RORC: variants seen among roughly 807,000 people sequenced by gnomAD.
RORC encodes RAR related orphan receptor C.
In RORC, 13 loss-of-function variants were observed where a neutral mutation model predicts 64.5. The ratio of observed to expected loss-of-function variants is 0.20; its 90% CI spans 0.13 to 0.32. The LOEUF (loss-of-function observed/expected upper bound fraction) is 0.32. RORC is among the 10% of genes least tolerant of loss of function. RORC has a pLI of 1.00. For synonymous variants in RORC, 277 were observed against 259.3 expected, an observed-to-expected ratio of 1.07 and a Z score of -0.65; for missense variants, 468 against 669.5, an observed-to-expected ratio of 0.70 and a Z score of 3.32.
chr1:151,813,585 G>A lies in RORC; in HGVS notation c.969C>T (p.His323=). The A allele has an allele frequency of 1.2e-6, 2 of 1,614,176 alleles. No individual in the cohort carries two copies. The highest frequency in any genetic ancestry group is 1.7e-6 in the Non-Finnish European group (2 of 1,180,002). ...MWEMWERCAH[H]LTEAIQYVVE... Reference sequence around the variant, plus strand: ...CCACGTACTGAATGGCCTCGGTGAGGTGGTGGGCACACCGTTCCCACATCT... The same window carrying A: ...CCACGTACTGAATGGCCTCGGTGAGATGGTGGGCACACCGTTCCCACATCT... Residue 323 remains histidine (H), a synonymous_variant, in exon 7 of 11, where the codon CAC becomes CAT. Coordinates refer to ENST00000318247, the MANE Select transcript of RORC (RefSeq NM_005060.4).
At chr1:151,827,970 A>C (rs1572048161) in intron 2 of RORC, among the ~76,000 whole-genome samples, 3 of 110,814 alleles carry the variant, frequency 2.7e-5, no homozygotes, top group Non-Finnish European at 3.8e-5. Context: ...CCCCCAGCTC[A>C]CCCGCGTCAC....
intron 6 of RORC, chr1:151,814,043 C>A (rs920967082): frequency 5.6e-6 from 1 of 179,858 alleles, no homozygotes; most frequent in Non-Finnish European, 1.2e-5. Flanking sequence ...GCAGCATAAA[C>A]TTTGGAGCCT....
chr1:151,820,283 G>A (rs1336767315), intron 2 of RORC, among the ~76,000 whole-genome samples: 1 of 152,146 alleles, frequency 6.6e-6, no homozygotes. Flanking sequence ...CTTGGGGGTT[G>A]GTGAGAGGAG....
chr1:151,807,767 C>T lies in RORC; in HGVS notation c.1396-134G>A. 1 of 841,790 alleles carries T rather than the reference C, an allele frequency of 1.2e-6. No individual in the cohort carries two copies. The highest frequency in any genetic ancestry group is 1.8e-6 in the Non-Finnish European group (1 of 546,462). 52.1% of individuals were successfully genotyped at this position (841,790 alleles called of 1,614,324 possible). On this transcript the variant is annotated intron_variant, in intron 10 of 10. Coordinates refer to ENST00000318247, the MANE Select transcript of RORC (RefSeq NM_005060.4). This position sits in a 1 kb window ranked among gnomAD's most constrained non-coding sequence, Gnocchi z 5.0. The stretch of plus-strand genomic sequence containing the variant: ...TATGTACTTGGCACTTTGGCACCAG[C>T]CAAATCCCACTGGTAGAAGTACGTG...
At position 151,816,728 on chromosome 1, in the gene RORC, G is replaced by A. The variant is rs1443235631; in HGVS notation, c.234C>T (p.Thr78=). 2.5e-6 allele frequency: 4 copies of A among 1,601,668 alleles called. No homozygotes were observed. The highest frequency in any genetic ancestry group is 3.4e-6 in the Non-Finnish European group (4 of 1,173,902). The change falls in exon 4 of 11, where the codon ACC becomes ACT. Residue 78 remains threonine, a synonymous_variant. Coordinates refer to ENST00000318247, the MANE Select transcript of RORC (RefSeq NM_005060.4). ...GGCAGTGCTGGCATCGGTTTCGGCTGGTGCGGTCGATGGGGCAGTTCTGCT... is the reference window on the plus strand; with the variant it reads ...GGCAGTGCTGGCATCGGTTTCGGCTAGTGCGGTCGATGGGGCAGTTCTGCT... ...TRQQNCPIDR[T]SRNRCQHCRL... is the part of the protein sequence containing the mutation.
intron 2 of RORC, among the ~76,000 whole-genome samples, chr1:151,823,585 A>G (rs1652076070): frequency 6.6e-6 from 1 of 151,864 alleles, no homozygotes; most frequent in Non-Finnish European, 1.5e-5. Flanking sequence ...CCCTGTGTCT[A>G]TGTGCCTTGT....
Position 151,814,970 on chromosome 1 carries a change from C to G in RORC, c.754G>C (p.Gly252Arg), listed in dbSNP as rs200227947. The G allele has an allele frequency of 6.2e-7, 1 of 1,614,146 alleles. No individual in the cohort carries two copies. Among genetic ancestry groups the G allele is most frequent in the Non-Finnish European group, 8.5e-7 (1 of 1,180,004 alleles). The change falls in exon 5 of 11, where the codon GGC (glycine) becomes CGC (arginine). Residue 252 changes from glycine to arginine, a missense_variant. This residue lies in a region of RORC where 241 missense variants were observed against 295.5 expected (regional missense o/e 0.82). Transcript: ENST00000318247. ...GGTGTGCTGCGGAAACTGGGGCTGC[C>G]GTAGCTGTCTGGGCCCTGTCCCAGT... ...GELGQGPDSY[G>R]SPSFRSTPEA...
At chr1:151,811,238 G>A in intron 10 of RORC, 87 bp downstream of exon 10, 1 of 790,192 alleles carries the variant, frequency 1.3e-6, no homozygotes. Context: ...TCCCTCCTCT[G>A]TACCCACAGA....
rs202188749 is a variant in RORC, at chr1:151,815,435, G to T, written c.299-10C>A. ...CGGCCGAACTTGACAGCTGAAAGAG[G>T]TCCAGGGACCAGGGGTTTATGAGGC... On this transcript the variant is annotated splice_polypyrimidine_tract_variant and intron_variant, in intron 4 of 10. Coordinates refer to ENST00000318247, the MANE Select transcript of RORC (RefSeq NM_005060.4). 20 of 1,523,162 alleles carry T rather than the reference G, an allele frequency of 1.3e-5. No individual in the cohort carries two copies. The East Asian group carries it at 4.5e-4, about 35-fold the overall frequency. The allele number at this position is 1,523,162 out of a possible 1,614,324, so 94.4% of individuals were successfully genotyped here.
At chr1:151,810,940 A>C (rs1651500557) in intron 10 of RORC, among the ~76,000 whole-genome samples, 1 of 152,162 alleles carries the variant, frequency 6.6e-6, no homozygotes, top group Non-Finnish European at 1.5e-5. Context: ...TATATCACAT[A>C]CCACATTCTA....
At chr1:151,819,498 CTT>C (rs1558167703) in intron 2 of RORC, among the ~76,000 whole-genome samples, 5 of 152,322 alleles carry the variant, frequency 3.3e-5, no homozygotes, top group Admixed American at 2.0e-4. Flanking sequence ...TGGCATCTCT[CTT>C]TTCAGTGGCC....
intron 9 of RORC, chr1:151,812,204 T>TG (rs1442296888): frequency 1.3e-5 from 2 of 152,228 alleles, no homozygotes; most frequent in Non-Finnish European, 2.9e-5. Flanking sequence ...CAATTACAGA[T>TG]GGTCCCAGTC....
In RORC at chr1:151,807,186, C is replaced by T. The variant is rs1651347743; in HGVS notation, c.*286G>A. ...TGGTCCCCCAGAAGTCCTTAAATCC[C>T]AGCCACCCCATGCCTTCCAGAAGCT... On this transcript the variant is annotated 3_prime_UTR_variant, in exon 11 of 11. Coordinates refer to ENST00000318247, the MANE Select transcript of RORC (RefSeq NM_005060.4). This position sits in a 1 kb window ranked among gnomAD's most constrained non-coding sequence, Gnocchi z 5.0. 3.0e-6 allele frequency: 1 copy of T among 335,134 alleles called. No individual in the cohort carries two copies. The highest frequency in any genetic ancestry group is 2.1e-5 in the African/African-American group (1 of 47,980). 20.8% of individuals were successfully genotyped at this position (335,134 alleles called of 1,614,324 possible).
In RORC at chr1:151,830,466, T is replaced by A. The variant is rs1008068254; in HGVS notation, c.41-1008A>T. On this transcript the variant is annotated intron_variant, in intron 1 of 10. Coordinates refer to ENST00000318247, the MANE Select transcript of RORC (RefSeq NM_005060.4). The surrounding 1 kb of genome is among the most constrained non-coding windows in gnomAD (Gnocchi z 4.0). ...TTCCCCTGCCAGACCTTGGCCCATT[T>A]CCTACATCCACATAGCAGCTCATCA... Among the ~76,000 whole-genome samples, 1 of 152,022 alleles carries A rather than the reference T, an allele frequency of 6.6e-6. No individual in the cohort carries two copies. The highest frequency in any genetic ancestry group is 2.4e-5 in the African/African-American group (1 of 41,358).
At chr1:151,813,805 GA>G in intron 6 of RORC, 185 bp from the exon 7 acceptor site, 2 of 632,512 alleles carry the variant, frequency 3.2e-6, no homozygotes, top group Non-Finnish European at 5.4e-6. Flanking sequence ...CCCACACACT[GA>G]GCACCTACCG....
chr1:151,828,940 T>A (rs1157572023), intron 2 of RORC, among the ~76,000 whole-genome samples: 1 of 148,278 alleles, frequency 6.7e-6, no homozygotes, highest in Non-Finnish European at 1.5e-5. Flanking sequence ...GATTGTGCCA[T>A]CGTACTCCCG....
Position 151,814,569 on chromosome 1 carries a change from C to T in RORC, c.933+5G>A. 1 of 1,610,196 alleles carries T rather than the reference C, an allele frequency of 6.2e-7. No individual in the cohort carries two copies. Reference sequence around the variant, plus strand: ...GTTCCCTTCCTGCAGGTCTCCTGGCCTCACCTTCCTCTGGTAGCCAGTCAC... The same window carrying T: ...GTTCCCTTCCTGCAGGTCTCCTGGCTTCACCTTCCTCTGGTAGCCAGTCAC... On this transcript the variant is annotated splice_donor_5th_base_variant and intron_variant, in intron 6 of 10. Transcript: ENST00000318247.
chr1:151,817,231 C>A lies in RORC; in HGVS notation c.120G>T (p.Gly40=), dbSNP rs1185258728. 6.2e-7 allele frequency: 1 copy of A among 1,614,134 alleles called. No individual in the cohort carries two copies. The highest frequency in any genetic ancestry group is 2.2e-5 in the East Asian group (1 of 44,862). ...PCKICGDKSS[G]IHYGVITCEG... ...CACAGGTGATAACCCCGTAGTGGAT[C>A]CCAGACGACTTGTCCCCACAGATTT... Residue 40 remains glycine, a synonymous_variant, in exon 3 of 11, where the codon GGG becomes GGT. Coordinates refer to ENST00000318247, the MANE Select transcript of RORC (RefSeq NM_005060.4).
rs968694805 is a variant in RORC at position 151,830,780 on chromosome 1, C to G, written c.40+945G>C. 1.9e-5 allele frequency: 8 copies of G among 410,374 alleles called. No homozygotes were observed. Among genetic ancestry groups the G allele is most frequent in the South Asian group, 1.6e-4 (8 of 49,714 alleles). 25.4% of individuals were successfully genotyped at this position (410,374 alleles called of 1,614,324 possible). A position where few individuals can be genotyped will look rare whatever the true frequency, so the allele number is the denominator to read the frequency against. ...GGTGAGGGAGGAGAAAAGACTGCCC[C>G]GAGGTGGCAAGGCCCCACCCAGCCC... On this transcript the variant is annotated intron_variant, in intron 1 of 10. Coordinates refer to ENST00000318247, the MANE Select transcript of RORC (RefSeq NM_005060.4). The surrounding 1 kb of genome is among the most constrained non-coding windows in gnomAD (Gnocchi z 4.0).
Sources: gnomAD v4.1 joint callset for allele counts (sites outside exome capture counted in the v4.1 genomes callset) on GRCh38, gnomAD v4.1.1 for gene constraint, gnomAD v4.1.1 regional missense constraint, Gnocchi (gnomAD v3.1) non-coding constraint, MANE v1.5 for transcripts, NCBI Gene and HGNC (gene_info 2026-07-23, HGNC 2026-07-21) for gene names.